Variants in LIN28B observed in about 807,000 individuals in gnomAD.
LIN28B encodes the protein protein lin-28 homolog B.
Under a neutral mutation model 21.9 loss-of-function variants are expected in LIN28B, and 5 were observed. The ratio of observed to expected loss-of-function variants is 0.23; its 90% CI spans 0.12 to 0.48. The LOEUF (loss-of-function observed/expected upper bound fraction) is 0.48, where lower values mean the gene tolerates loss of function less well. Ranked by LOEUF, LIN28B falls within the 20% of genes least tolerant of loss-of-function variation. The probability of loss-of-function intolerance (pLI) is 0.98; values close to 1 mark genes in which losing one functional copy is unlikely to be tolerated. For missense variants in LIN28B, 245 were observed against 310.5 expected, an observed-to-expected ratio of 0.79 and a Z score of 1.58; for synonymous variants, 109 against 111.3, an observed-to-expected ratio of 0.98 and a Z score of 0.13.
Position 105,061,861 on chromosome 6 carries a change from T to G in LIN28B, c.384-16553T>G, listed in dbSNP as rs1338840265. Among the ~76,000 whole-genome samples, 2 of 152,060 alleles carry G rather than the reference T, an allele frequency of 1.3e-5. 1 individual carries two copies. Among genetic ancestry groups the G allele is most frequent in the Non-Finnish European group, 2.9e-5 (2 of 68,012 alleles). ...ACAATGTGTACATAAACTTTGAAAC[T>G]TAGGGGTTTTTTTTTCTACTGTAAG... On this transcript the variant is annotated intron_variant, in intron 3 of 3. Transcript: ENST00000345080.
upstream of LIN28B, chr6:104,957,012 A>G: frequency 7.8e-7 from 1 of 1,288,212 alleles, no homozygotes. Flanking sequence ...CAGCCCCTTA[A>G]GGATACGAGG....
chr6:105,074,783 G>A (rs1193316137), intron 3 of LIN28B, among the ~76,000 whole-genome samples: 1 of 152,170 alleles, frequency 6.6e-6, no homozygotes, highest in Non-Finnish European at 1.5e-5. Context: ...TTGGCTCACT[G>A]CAGCCTCTGC....
intron 2 of LIN28B, among the ~76,000 whole-genome samples, chr6:104,991,509 G>A (rs972027467): frequency 6.6e-5 from 10 of 151,762 alleles, no homozygotes; most frequent in Non-Finnish European, 1.3e-4. Context: ...GCCGGGAAGA[G>A]GCGCTCCTCA....
intron 2 of LIN28B, among the ~76,000 whole-genome samples, chr6:105,023,226 T>TATAA (rs1448178397): frequency 1.0e-5 from 1 of 96,400 alleles, no homozygotes; most frequent in African/African-American, 4.2e-5. Flanking sequence ...TATATATATA[T>TATAA]AATATATATT....
upstream of LIN28B, among the ~76,000 whole-genome samples, chr6:104,953,107 G>T (rs559419113): frequency 6.6e-6 from 1 of 152,214 alleles, no homozygotes; most frequent in Non-Finnish European, 1.5e-5. Flanking sequence ...TTTGCCCGAC[G>T]GGCGGGTCGG....
chr6:104,942,382 A>G (rs1041446815), intron 2 of LIN28B, among the ~76,000 whole-genome samples: 4 of 152,142 alleles, frequency 2.6e-5, no homozygotes, highest in Admixed American at 6.5e-5. Flanking sequence ...CTTTTTTAAA[A>G]AGCACATTTT....
intron 2 of LIN28B, among the ~76,000 whole-genome samples, chr6:104,991,659 G>A (rs1338786056): frequency 6.6e-6 from 1 of 152,164 alleles, no homozygotes; most frequent in Non-Finnish European, 1.5e-5. Context: ...GGCCAAGGCA[G>A]GCGGCTGGGA....
At chr6:104,969,264 T>A (rs1313362281) in intron 2 of LIN28B, among the ~76,000 whole-genome samples, 2 of 152,144 alleles carry the variant, frequency 1.3e-5, no homozygotes, top group Non-Finnish European at 2.9e-5. Flanking sequence ...GTTTGCCCCT[T>A]TCACTGTTTC....
intron 3 of LIN28B, among the ~76,000 whole-genome samples, chr6:105,028,287 G>A (rs1265483216): frequency 6.6e-6 from 1 of 152,072 alleles, no homozygotes; most frequent in Admixed American, 6.6e-5. Flanking sequence ...CTTTGATTCT[G>A]GAGAAAATAG....
At chr6:104,982,164 A>C (rs918551318) in intron 2 of LIN28B, among the ~76,000 whole-genome samples, 2 of 151,990 alleles carry the variant, frequency 1.3e-5, no homozygotes, top group African/African-American at 2.4e-5. Flanking sequence ...AGTATAAAAA[A>C]CTTGCTGGGC....
chr6:105,021,978 A>G (rs1444018314), intron 2 of LIN28B, among the ~76,000 whole-genome samples: 3 of 152,168 alleles, frequency 2.0e-5, no homozygotes, highest in Non-Finnish European at 4.4e-5. Flanking sequence ...ATCCAGTTTT[A>G]CTAATGGAGG....
chr6:104,998,501 C>T (rs960038577), intron 2 of LIN28B, among the ~76,000 whole-genome samples: 1 of 151,922 alleles, frequency 6.6e-6, no homozygotes, highest in Admixed American at 6.6e-5. Context: ...TTACCTTCAC[C>T]ATTTATATTT....
chr6:105,036,291 A>C (rs548624988), intron 3 of LIN28B, among the ~76,000 whole-genome samples: 1 of 152,344 alleles, frequency 6.6e-6, no homozygotes, highest in African/African-American at 2.4e-5. Context: ...CTCGAGTTGA[A>C]TAACTAAACT....
At chr6:104,965,765 ATTG>A (rs886490130) in intron 2 of LIN28B, among the ~76,000 whole-genome samples, 3 of 152,288 alleles carry the variant, frequency 2.0e-5, no homozygotes, top group East Asian at 3.9e-4. Context: ...GGTTTTAATA[ATTG>A]TTGTAACATA....
At position 105,082,649 on chromosome 6, in the gene LIN28B, C is replaced by A. The variant is rs1183686626; in HGVS notation, c.*3866C>A. ...TCTTGTTAAAAGCATCAAACTCTGT[C>A]TTACATAGCTGTCAACAGCCTCTTT... On this transcript the variant is annotated 3_prime_UTR_variant, in exon 4 of 4. Coordinates refer to ENST00000345080, the MANE Select transcript of LIN28B (RefSeq NM_001004317.4). 2.6e-5 allele frequency: 4 copies of A among 152,614 alleles called. No homozygotes were observed. Among genetic ancestry groups the A allele is most frequent in the Admixed American group, 2.6e-4 (4 of 15,266 alleles). The allele number at this position is 152,614 out of a possible 1,614,324, so 9.5% of individuals were successfully genotyped here. A position where few individuals can be genotyped will look rare whatever the true frequency, so the allele number is the denominator to read the frequency against.
chr6:104,974,838 G>T (rs1770054377), intron 2 of LIN28B, among the ~76,000 whole-genome samples: 1 of 151,508 alleles, frequency 6.6e-6, no homozygotes, highest in African/African-American at 2.4e-5. Flanking sequence ...ATTATTTTTT[G>T]AGATGGAGTC....
upstream of LIN28B, among the ~76,000 whole-genome samples, chr6:104,953,539 A>G (rs1213724073): frequency 6.6e-6 from 1 of 152,238 alleles, no homozygotes; most frequent in Non-Finnish European, 1.5e-5. Flanking sequence ...TGACAAATGT[A>G]AAAGTCCCTA....
intron 2 of LIN28B, among the ~76,000 whole-genome samples, chr6:105,017,404 G>C (rs1771052251): frequency 1.3e-5 from 2 of 152,156 alleles, no homozygotes. Flanking sequence ...AGCAGATAGG[G>C]AAGCAGACTG....
At chr6:105,002,924 G>A (rs1770746582) in intron 2 of LIN28B, among the ~76,000 whole-genome samples, 1 of 152,154 alleles carries the variant, frequency 6.6e-6, no homozygotes, top group African/African-American at 2.4e-5. Flanking sequence ...GCATTGTATA[G>A]ATAGTGAAAA....
Sources: gnomAD v4.1 joint callset for allele counts (sites outside exome capture counted in the v4.1 genomes callset) on GRCh38, gnomAD v4.1.1 for gene constraint, MANE v1.5 for transcripts, NCBI Gene and HGNC (gene_info 2026-07-23, HGNC 2026-07-21) for gene names.